The following PIK3R5 variants were observed in gnomAD, a reference collection of about 807,000 sequenced individuals.
The protein encoded by PIK3R5 is phosphoinositide-3-kinase regulatory subunit 5.
PIK3R5 carries 32 observed loss-of-function variants against 94.9 expected under a neutral mutation model. That is an observed-to-expected ratio of 0.34 (90% CI 0.25 to 0.45). The LOEUF is 0.45. Among genes scored for constraint, PIK3R5 ranks in the 20% least tolerant of loss-of-function variants. The pLI is 1.00. For missense variants in PIK3R5, 853 were observed against 1,144.6 expected, an observed-to-expected ratio of 0.75 and a Z score of 3.68; for synonymous variants, 443 against 479.4, an observed-to-expected ratio of 0.92 and a Z score of 0.99.
intron 1 of PIK3R5, among the ~76,000 whole-genome samples, chr17:8,939,580 C>T (rs895698822): frequency 6.6e-6 from 1 of 152,170 alleles, no homozygotes; most frequent in African/African-American, 2.4e-5. Context: ...GTATCTGCAA[C>T]CTCAAAGTGA....
At position 8,893,085 on chromosome 17, in the gene PIK3R5, T is replaced by TG. The variant is rs1491540828; in HGVS notation, c.482+500_482+501insC. Reference sequence around the variant, plus strand: ...GTGTGTGTGTGTGTGTGTGTGTGTGTTTGTGTATCAGGCTGTCATATAAAA... The same window carrying TG: ...GTGTGTGTGTGTGTGTGTGTGTGTGTGTTGTGTATCAGGCTGTCATATAAAA... On this transcript the variant is annotated intron_variant, in intron 6 of 18. Transcript: ENST00000447110. The surrounding 1 kb of genome is among the most constrained non-coding windows in gnomAD (Gnocchi z 5.1). Among the ~76,000 whole-genome samples, 2,124 of 86,762 alleles carry TG rather than the reference T, an allele frequency of 0.024. 62 individuals are homozygous for TG. Among genetic ancestry groups the TG allele is most frequent in the African/African-American group, 0.14 (1,859 of 12,972 alleles). The allele number at this position is 86,762 out of a possible 152,430, so 56.9% of individuals were successfully genotyped here. A position where few individuals can be genotyped will look rare whatever the true frequency, so the allele number is the denominator to read the frequency against.
intron 1 of PIK3R5, among the ~76,000 whole-genome samples, chr17:8,933,495 C>G (rs982127380): frequency 6.6e-6 from 1 of 152,078 alleles, no homozygotes; most frequent in African/African-American, 2.4e-5. Context: ...TAATATCAAT[C>G]TTACTCAAAT....
chr17:8,931,613 C>T (rs2090989080), intron 1 of PIK3R5, among the ~76,000 whole-genome samples: 1 of 152,222 alleles, frequency 6.6e-6, no homozygotes, highest in South Asian at 2.1e-4. Context: ...CTACAAATGG[C>T]TGGACTGTGT....
chr17:8,944,046 C>T (rs2091232916), intron 1 of PIK3R5, among the ~76,000 whole-genome samples: 1 of 152,194 alleles, frequency 6.6e-6, no homozygotes, highest in Non-Finnish European at 1.5e-5. Flanking sequence ...TCTTCCCACC[C>T]TCTGCTCTCA....
chr17:8,898,743 C>T (rs764213297), intron 5 of PIK3R5, among the ~76,000 whole-genome samples: 44 of 152,152 alleles, frequency 2.9e-4, no homozygotes, highest in Non-Finnish European at 5.6e-4. Context: ...CTGCTTTTGA[C>T]CAGGAGGCTC....
intron 3 of PIK3R5, among the ~76,000 whole-genome samples, chr17:8,907,173 G>A (rs1234581110): frequency 1.3e-5 from 2 of 151,578 alleles, no homozygotes; most frequent in Admixed American, 1.3e-4. Flanking sequence ...ACAAGCACGT[G>A]CCACCATACC....
At chr17:8,961,094 C>T (rs1290650034) in intron 1 of PIK3R5, among the ~76,000 whole-genome samples, 1 of 152,056 alleles carries the variant, frequency 6.6e-6, no homozygotes, top group Non-Finnish European at 1.5e-5. Context: ...TGCTGAAGGG[C>T]AAAGGAAGAG....
rs1257545404 is a variant in PIK3R5, at chr17:8,890,924, G to A, written c.483-12C>T. ...GCAGCAGCACGGTGCTGGGGACACAGGGGACCGGCTATGGCACCCAGGGGT... is the reference window on the plus strand; with the variant it reads ...GCAGCAGCACGGTGCTGGGGACACAAGGGACCGGCTATGGCACCCAGGGGT... On this transcript the variant is annotated splice_polypyrimidine_tract_variant and intron_variant, in intron 6 of 18. Transcript: ENST00000447110. This position sits in a 1 kb window ranked among gnomAD's most constrained non-coding sequence, Gnocchi z 6.1. 2 of 1,612,030 alleles carry A rather than the reference G, an allele frequency of 1.2e-6. No individual in the cohort carries two copies. Among genetic ancestry groups the A allele is most frequent in the African/African-American group, 1.3e-5 (1 of 74,926 alleles).
intron 1 of PIK3R5, among the ~76,000 whole-genome samples, chr17:8,952,425 C>T (rs2091392177): frequency 2.0e-5 from 3 of 152,298 alleles, no homozygotes; most frequent in East Asian, 1.9e-4. Context: ...CCCAAAATTT[C>T]CTTGATAGAG....
chr17:8,961,514 A>G (rs1458531439), intron 1 of PIK3R5, among the ~76,000 whole-genome samples: 1 of 152,166 alleles, frequency 6.6e-6, no homozygotes, highest in Non-Finnish European at 1.5e-5. Flanking sequence ...GGGCGCCTGT[A>G]ACTCCAGCTA....
intron 1 of PIK3R5, among the ~76,000 whole-genome samples, chr17:8,932,234 C>CT (rs201002352): frequency 1.0e-3 from 149 of 147,230 alleles, no homozygotes; most frequent in South Asian, 3.0e-3. Context: ...AATTGGAAAC[C>CT]TTTTTTTTTT....
rs373480 is a variant in PIK3R5 at position 8,882,698 on chromosome 17, C to T, written c.2206-817G>A. 3.0e-4 allele frequency among the ~76,000 whole-genome samples: 46 copies of T among 152,126 alleles called. No homozygotes were observed. Among genetic ancestry groups the T allele is most frequent in the Non-Finnish European group, 5.6e-4 (38 of 68,012 alleles). ...CTCAAGCTCTTCCCCAACTGGACCC[C>T]GGCCTCTTCCTGTGGTCCCCCCAGA... is the stretch of plus-strand genomic sequence containing the variant. On this transcript the variant is annotated intron_variant, in intron 15 of 18. Coordinates refer to ENST00000447110, the MANE Select transcript of PIK3R5 (RefSeq NM_001142633.3). This position sits in a 1 kb window ranked among gnomAD's most constrained non-coding sequence, Gnocchi z 4.1.
At position 8,885,968 on chromosome 17, in the gene PIK3R5, T is replaced by C. The variant is rs1007961317; in HGVS notation, c.2128+261A>G. ...CTGCCTCCTAGGTAACCCCGCCCTC[T>C]CATGGCCCTGCCTCCTGGGTAACCC... On this transcript the variant is annotated intron_variant, in intron 14 of 18. Coordinates refer to ENST00000447110, the MANE Select transcript of PIK3R5 (RefSeq NM_001142633.3). 3.1e-3 allele frequency among the ~76,000 whole-genome samples: 206 copies of C among 66,536 alleles called. No homozygotes were observed. The Middle Eastern group carries it at 0.038, about 12-fold the overall frequency. The allele number at this position is 66,536 out of a possible 152,430, so 43.7% of individuals were successfully genotyped here.
chr17:8,937,751 G>A (rs796126781), intron 1 of PIK3R5, among the ~76,000 whole-genome samples: 11 of 152,306 alleles, frequency 7.2e-5, no homozygotes, highest in African/African-American at 2.6e-4. Flanking sequence ...CTCATAGAAT[G>A]AGTTAGGAAG....
At position 8,925,516 on chromosome 17, in the gene PIK3R5, G is replaced by GGATA. The variant is rs141072056; in HGVS notation, c.-13-14013_-13-14010dup. On this transcript the variant is annotated intron_variant, in intron 1 of 18. Transcript: ENST00000447110. The surrounding 1 kb of genome is among the most constrained non-coding windows in gnomAD (Gnocchi z 5.1). ...GATAGTAGATGGATAGATAGTAGATGGATAGATAGATAGATAGTAGATAGA... is the reference window on the plus strand; with the variant it reads ...GATAGTAGATGGATAGATAGTAGATGGATAGATAGATAGATAGATAGTAGATAGA... 6.8e-6 allele frequency among the ~76,000 whole-genome samples: 1 copy of GGATA among 147,440 alleles called. No homozygotes were observed. Among genetic ancestry groups the GGATA allele is most frequent in the Non-Finnish European group, 1.5e-5 (1 of 67,558 alleles).
chr17:8,935,783 G>C lies in PIK3R5; in HGVS notation c.-13-24276C>G, dbSNP rs2091061925. On this transcript the variant is annotated intron_variant, in intron 1 of 18. Coordinates refer to ENST00000447110, the MANE Select transcript of PIK3R5 (RefSeq NM_001142633.3). This position sits in a 1 kb window ranked among gnomAD's most constrained non-coding sequence, Gnocchi z 4.5. ...AACATAAGAAGACAAGGCCACGCAT[G>C]GTGGCTCACGCTTGTAATCCCAGCA... 6.6e-6 allele frequency among the ~76,000 whole-genome samples: 1 copy of C among 152,086 alleles called. No individual in the cohort carries two copies. The highest frequency in any genetic ancestry group is 2.4e-5 in the African/African-American group (1 of 41,424).
At position 8,883,921 on chromosome 17, in the gene PIK3R5, G is replaced by A. The variant is rs117716570; in HGVS notation, c.2205+786C>T. ...GCATGTGGCTACAGTGAGTGTCGGT[G>A]CCTCCTGCCCACCTCCTTCACTGCC... On this transcript the variant is annotated intron_variant, in intron 15 of 18. Coordinates refer to ENST00000447110, the MANE Select transcript of PIK3R5 (RefSeq NM_001142633.3). Among the ~76,000 whole-genome samples the A allele has an allele frequency of 1.1e-4, 16 of 152,310 alleles. No individual in the cohort carries two copies. In the East Asian group the frequency reaches 3.1e-3, roughly 29 times the overall value.
chr17:8,908,965 C>T, intron 3 of PIK3R5, 109 bp downstream of exon 3: 1 of 678,350 alleles, frequency 1.5e-6, no homozygotes, highest in South Asian at 1.8e-5. Context: ...GGCCTTTGCC[C>T]AGCCCCTCTG....
chr17:8,907,274 G>T lies in PIK3R5; in HGVS notation c.205-1537C>A, dbSNP rs942984539. 1.5e-4 allele frequency among the ~76,000 whole-genome samples: 23 copies of T among 151,706 alleles called. No homozygotes were observed. The East Asian group carries it at 4.5e-3, about 29-fold the overall frequency. ...TCTTGATCTCCAGACCTCATGATCCGCCCGCCTTGGCTTCCCAAAGTGCTG... is the reference window on the plus strand; with the variant it reads ...TCTTGATCTCCAGACCTCATGATCCTCCCGCCTTGGCTTCCCAAAGTGCTG... On this transcript the variant is annotated intron_variant, in intron 3 of 18. Transcript: ENST00000447110.
Sources: allele counts gnomAD v4.1 joint callset (sites outside exome capture counted in the v4.1 genomes callset), GRCh38; gene constraint gnomAD v4.1.1; non-coding constraint Gnocchi (gnomAD v3.1); transcripts MANE v1.5; gene names NCBI Gene and HGNC (gene_info 2026-07-23, HGNC 2026-07-21).